The following PDE4B variants were observed in gnomAD, a reference collection of about 807,000 sequenced individuals.
PDE4B encodes the protein phosphodiesterase 4B, also known as 3',5'-cyclic-AMP phosphodiesterase 4B.
A neutral mutation model predicts 82.2 loss-of-function variants in PDE4B; 20 were observed. That is an observed-to-expected ratio of 0.24 (90% CI 0.17 to 0.35). The LOEUF is 0.35. Ranked by LOEUF, PDE4B falls within the 10% of genes least tolerant of loss-of-function variation. The probability of loss-of-function intolerance (pLI) is 1.00; values close to 1 mark genes in which losing one functional copy is unlikely to be tolerated. For synonymous variants in PDE4B, 320 were observed against 318.9 expected, an observed-to-expected ratio of 1.00 and a Z score of -0.04; for missense variants, 655 against 907.2, an observed-to-expected ratio of 0.72 and a Z score of 3.57.
intron 3 of PDE4B, among the ~76,000 whole-genome samples, chr1:66,036,764 G>A (rs1654087252): frequency 6.6e-6 from 1 of 152,106 alleles, no homozygotes; most frequent in Non-Finnish European, 1.5e-5. Context: ...GTAGCATGAC[G>A]ACTCCAGGTT....
chr1:65,891,964 A>G (rs755885918), intron 1 of PDE4B, among the ~76,000 whole-genome samples: 1 of 152,054 alleles, frequency 6.6e-6, no homozygotes, highest in Non-Finnish European at 1.5e-5. Context: ...AATCTCCTTT[A>G]TACTTGTTCT....
intron 16 of PDE4B, 80 bp from the exon 17 acceptor site, chr1:66,372,233 C>A (rs1156862561): frequency 1.4e-6 from 2 of 1,401,984 alleles, no homozygotes; most frequent in Non-Finnish European, 1.9e-6. Flanking sequence ...AATGTTCTTT[C>A]TTTGCATGGA....
At chr1:65,893,166 T>G (rs1294370926) in intron 1 of PDE4B, among the ~76,000 whole-genome samples, 1 of 152,080 alleles carries the variant, frequency 6.6e-6, no homozygotes, top group Admixed American at 6.6e-5. Flanking sequence ...TCATGGTTAT[T>G]GTCTACTTAA....
At chr1:66,345,075 A>T (rs1211500076) in intron 8 of PDE4B, among the ~76,000 whole-genome samples, 1 of 152,110 alleles carries the variant, frequency 6.6e-6, no homozygotes, top group Non-Finnish European at 1.5e-5. Context: ...CTCGTATGAC[A>T]CTCACCCTGA....
intron 3 of PDE4B, among the ~76,000 whole-genome samples, chr1:66,096,607 T>G (rs952915357): frequency 6.8e-5 from 10 of 148,084 alleles, no homozygotes; most frequent in African/African-American, 2.5e-4. Flanking sequence ...GATTATATAT[T>G]GACCATATTT....
intron 3 of PDE4B, among the ~76,000 whole-genome samples, chr1:66,003,802 C>T (rs1652000650): frequency 6.6e-6 from 1 of 152,158 alleles, no homozygotes; most frequent in Admixed American, 6.6e-5. Context: ...TTGCTAAGGT[C>T]CTAACTGCCC....
At chr1:66,282,684 G>A (rs934607588) in intron 7 of PDE4B, among the ~76,000 whole-genome samples, 2 of 152,186 alleles carry the variant, frequency 1.3e-5, no homozygotes, top group Non-Finnish European at 2.9e-5. Flanking sequence ...CCAACCAGGT[G>A]TGTAACCAGA....
intron 3 of PDE4B, among the ~76,000 whole-genome samples, chr1:65,921,950 C>T (rs1280242620): frequency 1.3e-5 from 2 of 152,048 alleles, no homozygotes; most frequent in South Asian, 2.1e-4. Context: ...AATTTGAATC[C>T]GTTCTAATGA....
At chr1:65,825,708 A>G (rs551683911) in intron 1 of PDE4B, among the ~76,000 whole-genome samples, 984 of 87,708 alleles carry the variant, frequency 0.011, 15 homozygotes, top group African/African-American at 0.046. Flanking sequence ...AAAATTACCT[A>G]TCTATCTATC....
At chr1:65,914,553 G>T (rs1353868149) in intron 2 of PDE4B, among the ~76,000 whole-genome samples, 3 of 142,766 alleles carry the variant, frequency 2.1e-5, no homozygotes, top group East Asian at 2.0e-4. Context: ...TACCAGCGTT[G>T]CTCAGGATAC....
At chr1:65,831,883 T>C (rs976614611) in intron 1 of PDE4B, among the ~76,000 whole-genome samples, 1 of 152,168 alleles carries the variant, frequency 6.6e-6, no homozygotes, top group African/African-American at 2.4e-5. Context: ...TTTAAAAAAT[T>C]AAACACACAT....
Position 65,803,970 on chromosome 1 carries a change from G to A in PDE4B, c.-71+10722G>A, listed in dbSNP as rs1645725211. 2.0e-5 allele frequency among the ~76,000 whole-genome samples: 3 copies of A among 152,204 alleles called. No homozygotes were observed. In the South Asian group the frequency reaches 6.2e-4, roughly 32 times the overall value. ...ATATGCTGATAATGCTTGACTTTGA[G>A]CCAGGGAGCAAGGCTTGTGTCTTAG... is the stretch of plus-strand genomic sequence containing the variant. On this transcript the variant is annotated intron_variant, in intron 1 of 16. Coordinates refer to ENST00000341517, the MANE Select transcript of PDE4B (RefSeq NM_002600.4).
At chr1:65,879,676 C>T (rs973157233) in intron 1 of PDE4B, among the ~76,000 whole-genome samples, 7 of 152,040 alleles carry the variant, frequency 4.6e-5, no homozygotes, top group African/African-American at 1.4e-4. Flanking sequence ...AAAACTACAA[C>T]GGGAATTGTA....
At chr1:66,173,148 C>T (rs909250511) in intron 3 of PDE4B, among the ~76,000 whole-genome samples, 8 of 152,058 alleles carry the variant, frequency 5.3e-5, no homozygotes, top group East Asian at 3.8e-4. Flanking sequence ...CATAAGTAAA[C>T]GAAAATCAGA....
intron 7 of PDE4B, among the ~76,000 whole-genome samples, chr1:66,307,656 A>C (rs1658376326): frequency 6.6e-6 from 1 of 152,134 alleles, no homozygotes; most frequent in African/African-American, 2.4e-5. Context: ...GCTGAGGGTA[A>C]AGTAGTGCAT....
chr1:66,151,161 G>A (rs557786585), intron 3 of PDE4B, among the ~76,000 whole-genome samples: 2 of 152,272 alleles, frequency 1.3e-5, no homozygotes, highest in East Asian at 3.9e-4. Context: ...AGCCATGTGG[G>A]TTTGAACTTT....
At chr1:66,319,233 A>G (rs540473965) in intron 7 of PDE4B, among the ~76,000 whole-genome samples, 2 of 152,296 alleles carry the variant, frequency 1.3e-5, no homozygotes, top group South Asian at 4.1e-4. Flanking sequence ...GTGTTTCAAG[A>G]GGTTGGAAAT....
At chr1:66,077,805 T>C (rs1656510068) in intron 3 of PDE4B, among the ~76,000 whole-genome samples, 1 of 152,178 alleles carries the variant, frequency 6.6e-6, no homozygotes, top group Admixed American at 6.6e-5. Flanking sequence ...TTTTTGTTTG[T>C]GTGATCTTGG....
chr1:66,155,958 T>C (rs950312289), intron 3 of PDE4B, among the ~76,000 whole-genome samples: 1 of 152,170 alleles, frequency 6.6e-6, no homozygotes, highest in African/African-American at 2.4e-5. Context: ...ACAAAACCAA[T>C]GTTAATCCAT....
Sources: allele counts gnomAD v4.1 joint callset (sites outside exome capture counted in the v4.1 genomes callset), GRCh38; gene constraint gnomAD v4.1.1; transcripts MANE v1.5; gene names NCBI Gene and HGNC (gene_info 2026-07-23, HGNC 2026-07-21).